ZNF704: variants seen among roughly 807,000 people sequenced by gnomAD.
The protein encoded by ZNF704 is zinc finger protein 704.
ZNF704 carries 10 observed loss-of-function variants against 44.7 expected under a neutral mutation model. That is an observed-to-expected ratio of 0.22 (90% CI 0.14 to 0.38). The LOEUF is 0.38. Among genes scored for constraint, ZNF704 ranks in the 10% least tolerant of loss-of-function variants. The probability of loss-of-function intolerance (pLI) is 1.00; values close to 1 mark genes in which losing one functional copy is unlikely to be tolerated. For missense variants in ZNF704, 390 were observed against 545.5 expected (o/e 0.71, Z 2.84); for synonymous variants, 211 against 207.6 (o/e 1.02, Z -0.14).
intron 1 of ZNF704, among the ~76,000 whole-genome samples, chr8:80,856,039 C>A (rs1028287556): frequency 1.3e-5 from 2 of 152,130 alleles, no homozygotes; most frequent in Non-Finnish European, 2.9e-5. Flanking sequence ...CTCACTGAAG[C>A]CTTAAACTCC....
intron 2 of ZNF704, among the ~76,000 whole-genome samples, chr8:80,762,205 G>A (rs567944624): frequency 6.6e-6 from 1 of 152,298 alleles, no homozygotes; most frequent in African/African-American, 2.4e-5. Flanking sequence ...ACATCACATA[G>A]CAAATTGATA....
intron 2 of ZNF704, among the ~76,000 whole-genome samples, chr8:80,814,720 G>T (rs1177958681): frequency 6.6e-6 from 1 of 151,982 alleles, no homozygotes; most frequent in African/African-American, 2.4e-5. Flanking sequence ...TTTTTAAAAA[G>T]AAATATTTTA....
chr8:80,741,308 CAA>C (rs1806752182), intron 2 of ZNF704, among the ~76,000 whole-genome samples: 1 of 152,166 alleles, frequency 6.6e-6, no homozygotes, highest in African/African-American at 2.4e-5. Flanking sequence ...TTAAGCTTGC[CAA>C]CGGGGCAAGA....
chr8:80,726,993 T>C lies in ZNF704; in HGVS notation c.222-33886A>G, dbSNP rs577629772. The stretch of plus-strand genomic sequence containing the variant: ...TTACCATGTAATAGTCATTTAATGT[T>C]TGCAATAATCTTTTGATCTAGGATT... On this transcript the variant is annotated intron_variant, in intron 2 of 8. Coordinates refer to ENST00000327835, the MANE Select transcript of ZNF704 (RefSeq NM_001033723.3). 6.6e-5 allele frequency among the ~76,000 whole-genome samples: 10 copies of C among 152,290 alleles called. No homozygotes were observed. The East Asian group carries it at 1.9e-3, about 29-fold the overall frequency.
chr8:80,750,188 G>C lies in ZNF704; in HGVS notation c.222-57081C>G, dbSNP rs143872708. On this transcript the variant is annotated intron_variant, in intron 2 of 8. Transcript: ENST00000327835. ...CCCCAGGCAGCTGCAACATGGAACA[G>C]GGTTGGCACCACAGGCAATGACTGC... Among the ~76,000 whole-genome samples the C allele has an allele frequency of 3.5e-3, 531 of 152,190 alleles. 3 individuals are homozygous for C. Among genetic ancestry groups the C allele is most frequent in the Non-Finnish European group, 5.6e-3 (381 of 68,006 alleles).
chr8:80,742,191 G>A (rs913089442), intron 2 of ZNF704, among the ~76,000 whole-genome samples: 1 of 152,110 alleles, frequency 6.6e-6, no homozygotes, highest in Non-Finnish European at 1.5e-5. Flanking sequence ...GGATATTGAA[G>A]CCAAAAGAGC....
At chr8:80,835,998 C>G (rs1732105595) in intron 1 of ZNF704, among the ~76,000 whole-genome samples, 1 of 152,168 alleles carries the variant, frequency 6.6e-6, no homozygotes, top group African/African-American at 2.4e-5. Flanking sequence ...AATAGTCTCC[C>G]TCCCCGGAGC....
intron 2 of ZNF704, among the ~76,000 whole-genome samples, chr8:80,707,545 C>G (rs1304470364): frequency 6.6e-6 from 1 of 152,142 alleles, no homozygotes; most frequent in Non-Finnish European, 1.5e-5. Context: ...TACACTGACA[C>G]CTGTTCTGTG....
chr8:80,637,191 TTGAAA>T lies in ZNF704; in HGVS notation c.*4170_*4174del, dbSNP rs1167489552. The T allele has an allele frequency of 6.6e-6, 1 of 152,160 alleles. No homozygotes were observed. Among genetic ancestry groups the T allele is most frequent in the Non-Finnish European group, 1.5e-5 (1 of 68,032 alleles). The allele number at this position is 152,160 out of a possible 1,614,324, so 9.4% of individuals were successfully genotyped here. ...ACTGCCCAGTTCACATAAATTTGTC[TTGAAA>T]TGATACCATGTTCATTTGAAAAAAA... is the stretch of plus-strand genomic sequence containing the variant. On this transcript the variant is annotated 3_prime_UTR_variant, in exon 9 of 9. Transcript: ENST00000327835.
rs1034057715 is a variant in ZNF704, at chr8:80,640,515, T to A, written c.*851A>T. On this transcript the variant is annotated 3_prime_UTR_variant, in exon 9 of 9. Coordinates refer to ENST00000327835, the MANE Select transcript of ZNF704 (RefSeq NM_001033723.3). ...TTGTGTCACATCCCTGAAAGAAGCA[T>A]CGAGGCTTACCCAGATGGCTACAGG... The A allele has an allele frequency of 3.9e-5, 6 of 152,202 alleles. No homozygotes were observed. Among genetic ancestry groups the A allele is most frequent in the African/African-American group, 1.4e-4 (6 of 41,428 alleles). 9.4% of individuals were successfully genotyped at this position (152,202 alleles called of 1,614,324 possible).
intron 2 of ZNF704, among the ~76,000 whole-genome samples, chr8:80,781,046 G>A (rs1170054705): frequency 2.0e-5 from 3 of 152,114 alleles, no homozygotes; most frequent in African/African-American, 7.2e-5. Flanking sequence ...CAATAAGTTC[G>A]GCAGAAAAAG....
intron 2 of ZNF704, among the ~76,000 whole-genome samples, chr8:80,818,324 C>CAT (rs924986245): frequency 6.6e-6 from 1 of 151,844 alleles, no homozygotes; most frequent in Non-Finnish European, 1.5e-5. Context: ...GCCAAAATAT[C>CAT]ATATATATAT....
In ZNF704 at chr8:80,727,604, G is replaced by A. The variant is rs780015531; in HGVS notation, c.222-34497C>T. ...CAGGCAGGCAGGGGGTGGATGGAGC[G>A]GGTAACGAGGGAGAGGCGAGCTTGG... On this transcript the variant is annotated intron_variant, in intron 2 of 8. Transcript: ENST00000327835. Among the ~76,000 whole-genome samples, 5 of 152,126 alleles carry A rather than the reference G, an allele frequency of 3.3e-5. No homozygotes were observed. The East Asian group carries it at 5.8e-4, about 18-fold the overall frequency.
chr8:80,708,155 T>G (rs1332909914), intron 2 of ZNF704, among the ~76,000 whole-genome samples: 1 of 152,222 alleles, frequency 6.6e-6, no homozygotes, highest in Non-Finnish European at 1.5e-5. Context: ...ATTCTGTCAT[T>G]TAAAAATTTG....
intron 2 of ZNF704, among the ~76,000 whole-genome samples, chr8:80,765,609 A>T (rs1807214820): frequency 1.3e-5 from 2 of 152,194 alleles, no homozygotes; most frequent in African/African-American, 4.8e-5. Flanking sequence ...ATTCCCCAGA[A>T]TTTAGATGTC....
chr8:80,724,333 G>A (rs1476109276), intron 2 of ZNF704, among the ~76,000 whole-genome samples: 3 of 152,180 alleles, frequency 2.0e-5, no homozygotes, highest in Admixed American at 6.5e-5. Flanking sequence ...AAAACATTCT[G>A]GATGCAGAAC....
intron 1 of ZNF704, among the ~76,000 whole-genome samples, chr8:80,861,768 G>C (rs780331897): frequency 4.6e-5 from 7 of 151,406 alleles, no homozygotes; most frequent in Non-Finnish European, 1.0e-4. Flanking sequence ...TCCATCTCCA[G>C]CTCCATCTTC....
At chr8:80,816,271 T>G (rs1382058515) in intron 2 of ZNF704, among the ~76,000 whole-genome samples, 1 of 152,222 alleles carries the variant, frequency 6.6e-6, no homozygotes, top group Non-Finnish European at 1.5e-5. Context: ...GAAACCATAT[T>G]CTCTTCCACA....
At chr8:80,670,225 T>A (rs1818258028) in intron 5 of ZNF704, among the ~76,000 whole-genome samples, 1 of 152,202 alleles carries the variant, frequency 6.6e-6, no homozygotes, top group Non-Finnish European at 1.5e-5. Context: ...CTGACATTAT[T>A]ATAAATTTCC....
Sources: allele counts gnomAD v4.1 joint callset (sites outside exome capture counted in the v4.1 genomes callset), GRCh38; gene constraint gnomAD v4.1.1; transcripts MANE v1.5; gene names NCBI Gene and HGNC (gene_info 2026-07-23, HGNC 2026-07-21).